ZNF730: variants seen among roughly 807,000 people sequenced by gnomAD.
The protein encoded by ZNF730 is putative zinc finger protein 730.
In ZNF730, 12 loss-of-function variants were observed where a neutral mutation model predicts 12.6. The observed-to-expected ratio is 0.95, with a 90% CI of 0.61 to 1.54. The LOEUF is 1.54. Ranked by LOEUF, ZNF730 falls within the 40% of genes most tolerant of loss-of-function variation. ZNF730 has a pLI of 0.00. For synonymous variants in ZNF730, 194 were observed against 195.8 expected, an observed-to-expected ratio of 0.99 and a Z score of 0.08; for missense variants, 643 against 583.5, an observed-to-expected ratio of 1.10 and a Z score of -1.05.
chr19:23,087,246 A>T (rs981406834), intron 1 of ZNF730, among the ~76,000 whole-genome samples: 1 of 152,098 alleles, frequency 6.6e-6, no homozygotes, highest in African/African-American at 2.4e-5. Context: ...TGTCTCTACT[A>T]AAATTACAAA....
upstream of ZNF730, among the ~76,000 whole-genome samples, chr19:23,116,383 T>C (rs1272427281): frequency 2.0e-5 from 3 of 147,838 alleles, no homozygotes; most frequent in Admixed American, 2.0e-4. Context: ...TTCTTTCTTT[T>C]TCTCTCTCTC....
At chr19:23,126,318 C>T (rs6511408) in intron 1 of ZNF730, among the ~76,000 whole-genome samples, 149,658 of 152,264 alleles carry the variant, frequency 0.98, 73,586 homozygotes, top group Middle Eastern at 1. Context: ...AAGAATAAAA[C>T]TTGGACTTCT....
chr19:23,082,088 A>G (rs936044859), intron 1 of ZNF730, among the ~76,000 whole-genome samples: 77 of 152,058 alleles, frequency 5.1e-4, no homozygotes, highest in African/African-American at 1.7e-3. Context: ...TTTATTCATC[A>G]TTGTCATCCT....
intron 1 of ZNF730, among the ~76,000 whole-genome samples, chr19:23,128,924 C>G (rs1425703178): frequency 6.6e-6 from 1 of 152,150 alleles, no homozygotes; most frequent in Non-Finnish European, 1.5e-5. Context: ...ATCCTGTATT[C>G]CAGCCACTAC....
At chr19:23,112,081 G>A (rs984515413), upstream of ZNF730, among the ~76,000 whole-genome samples, 2 of 152,154 alleles carry the variant, frequency 1.3e-5, no homozygotes, top group African/African-American at 4.8e-5. Context: ...GAGTCTGCCT[G>A]CCATGTACAC....
intron 1 of ZNF730, among the ~76,000 whole-genome samples, chr19:23,108,805 G>A (rs1568308068): frequency 1.3e-5 from 2 of 152,006 alleles, no homozygotes; most frequent in Non-Finnish European, 2.9e-5. Context: ...GCTGGAGCAC[G>A]GTGGTGCGAT....
At chr19:23,091,332 G>A (rs1379175262) in intron 1 of ZNF730, among the ~76,000 whole-genome samples, 1 of 152,128 alleles carries the variant, frequency 6.6e-6, no homozygotes, top group Non-Finnish European at 1.5e-5. Context: ...CTCTGCTAGG[G>A]CAGTGTGGAA....
intron 2 of ZNF730, 77 bp from the exon 3 acceptor site, chr19:23,135,871 A>C (rs1242573704): frequency 7.5e-7 from 1 of 1,334,436 alleles, no homozygotes; most frequent in Non-Finnish European, 1.0e-6. Context: ...ATTCCATTAC[A>C]TTCTCTTTAC....
intron 1 of ZNF730, among the ~76,000 whole-genome samples, chr19:23,119,893 A>G (rs1173884656): frequency 1.3e-5 from 2 of 151,964 alleles, no homozygotes; most frequent in Non-Finnish European, 2.9e-5. Context: ...CTTCTTCTCA[A>G]TTTTTTAAAA....
intron 3 of ZNF730, among the ~76,000 whole-genome samples, chr19:23,140,546 G>A (rs754391152): frequency 4.0e-5 from 6 of 151,188 alleles, no homozygotes; most frequent in African/African-American, 1.5e-4. Flanking sequence ...AGGAGGCAGA[G>A]GTTGCAGTGA....
Position 23,146,086 on chromosome 19 carries a change from G to A in ZNF730, c.1042G>A (p.Ala348Thr), listed in dbSNP as rs751585455. 4 of 1,612,346 alleles carry A rather than the reference G, an allele frequency of 2.5e-6. No homozygotes were observed. Among genetic ancestry groups the A allele is most frequent in the Non-Finnish European group, 3.4e-6 (4 of 1,179,508 alleles). ...KPYKCEECGK[A>T]FNRSSTLNRH... is the part of the protein sequence containing the mutation. Reference sequence around the variant, plus strand: ...CTACAAATGTGAAGAATGTGGCAAAGCTTTTAACCGATCCTCAACCCTTAA... The same window carrying A: ...CTACAAATGTGAAGAATGTGGCAAAACTTTTAACCGATCCTCAACCCTTAA... The change falls in exon 4 of 4, where the codon GCT becomes ACT. Residue 348 changes from alanine (A) to threonine (T), a missense_variant. By Grantham distance (58) the Ala-to-Thr change is moderately conservative. Transcript: ENST00000597761.
At chr19:23,144,258 A>C (rs1401834807) in intron 3 of ZNF730, 2 of 152,162 alleles carry the variant, frequency 1.3e-5, no homozygotes, top group Non-Finnish European at 2.9e-5. Flanking sequence ...TCTACCTGTC[A>C]CAATCTTTAT....
chr19:23,134,175 G>A lies in ZNF730; in HGVS notation c.99G>A (p.Met33Ile), dbSNP rs1970787328. 6.2e-7 allele frequency: 1 copy of A among 1,611,966 alleles called. No individual in the cohort carries two copies. The highest frequency in any genetic ancestry group is 1.3e-5 in the African/African-American group (1 of 74,828). ...TEQQNLYRNV[M>I]LDNYRNLVFL... is the part of the protein sequence containing the mutation. The stretch of plus-strand genomic sequence containing the variant: ...AACAGAATTTATATAGAAATGTAAT[G>A]TTAGATAACTACAGAAACCTGGTCT... Residue 33 changes from methionine (M) to isoleucine (I), a missense_variant, in exon 2 of 4, where the codon ATG becomes ATA. Coordinates refer to ENST00000597761, the MANE Select transcript of ZNF730 (RefSeq NM_001277403.2).
chr19:23,097,012 CATT>C, intron 1 of ZNF730, among the ~76,000 whole-genome samples: 1 of 152,284 alleles, frequency 6.6e-6, no homozygotes, highest in South Asian at 2.1e-4. Context: ...AGTAACATAT[CATT>C]GAGTCCAATG....
In ZNF730 at chr19:23,145,482, G is replaced by A. The variant is rs754507877; in HGVS notation, c.438G>A (p.Gln146=). 16 of 1,567,716 alleles carry A rather than the reference G, an allele frequency of 1.0e-5. No individual in the cohort carries two copies. In the African/African-American group the frequency reaches 1.9e-4, roughly 19 times the overall value. Residue 146 remains glutamine, a synonymous_variant, in exon 4 of 4, where the codon CAG becomes CAA. Coordinates refer to ENST00000597761, the MANE Select transcript of ZNF730 (RefSeq NM_001277403.2). ...CAACTTCCCATAGCAAAATATTTCA[G>A]TGTGACAAATATGTGAAAGTCTTTC... ...CLTTSHSKIF[Q]CDKYVKVFHK... is the part of the protein sequence containing the mutation.
At chr19:23,121,292 T>C (rs1042759365) in intron 1 of ZNF730, among the ~76,000 whole-genome samples, 2 of 152,122 alleles carry the variant, frequency 1.3e-5, no homozygotes, top group African/African-American at 4.8e-5. Context: ...CCATGGGGTG[T>C]TGTAGGAGTC....
chr19:23,126,889 G>C, intron 1 of ZNF730: 1 of 531,000 alleles, frequency 1.9e-6, no homozygotes, highest in Non-Finnish European at 3.7e-6. Context: ...TTAGCAGCTT[G>C]AGTTTCTCTT....
chr19:23,127,776 TCGTCC>T, intron 1 of ZNF730: 1 of 816,378 alleles, frequency 1.2e-6, no homozygotes, highest in Admixed American at 1.9e-5. Flanking sequence ...GTTAGGGCCA[TCGTCC>T]AGGTCTTCCA....
chr19:23,146,021 C>G lies in ZNF730; in HGVS notation c.977C>G (p.Thr326Ser). The G allele has an allele frequency of 2.5e-6, 4 of 1,606,700 alleles. No individual in the cohort carries two copies. Among genetic ancestry groups the G allele is most frequent in the Non-Finnish European group, 3.4e-6 (4 of 1,177,934 alleles). ...GGCAAAGCTTTTAAGTGGTCCTCAA[C>G]CCTTACAAAACATAAAAGAATTCAT... ...KCGKAFKWSS[T>S]LTKHKRIHNG... Residue 326 changes from threonine (T) to serine (S), a missense_variant, in exon 4 of 4, where the codon ACC becomes AGC. Coordinates refer to ENST00000597761, the MANE Select transcript of ZNF730 (RefSeq NM_001277403.2).
Sources: gnomAD v4.1 joint callset for allele counts (sites outside exome capture counted in the v4.1 genomes callset) on GRCh38, gnomAD v4.1.1 for gene constraint, MANE v1.5 for transcripts, NCBI Gene and HGNC (gene_info 2026-07-23, HGNC 2026-07-21) for gene names.